Variants in PCDH9 observed in about 807,000 individuals in gnomAD.
PCDH9 encodes the protein protocadherin 9, also known as protocadherin-9.
A neutral mutation model predicts 70.6 loss-of-function variants in PCDH9; 24 were observed. The ratio of observed to expected loss-of-function variants is 0.34; its 90% CI spans 0.25 to 0.48. The LOEUF (loss-of-function observed/expected upper bound fraction) is 0.48. Among genes scored for constraint, PCDH9 ranks in the 20% least tolerant of loss-of-function variants. The pLI is 0.99. For synonymous variants in PCDH9, 562 were observed against 558.5 expected (o/e 1.01, Z -0.09); for missense variants, 1,281 against 1,503.6 (o/e 0.85, Z 2.45).
chr13:66,607,128 A>G (rs2077231172), intron 4 of PCDH9, among the ~76,000 whole-genome samples: 1 of 152,144 alleles, frequency 6.6e-6, no homozygotes, highest in Non-Finnish European at 1.5e-5. Flanking sequence ...TAAAAATAAA[A>G]CATTAGCTAA....
chr13:66,807,520 C>A (rs2080429869), intron 3 of PCDH9, among the ~76,000 whole-genome samples: 1 of 152,016 alleles, frequency 6.6e-6, no homozygotes, highest in African/African-American at 2.4e-5. Flanking sequence ...TGTATAAGTT[C>A]CTTAACTTCT....
At chr13:66,426,307 T>C (rs1957669555) in intron 4 of PCDH9, among the ~76,000 whole-genome samples, 2 of 151,652 alleles carry the variant, frequency 1.3e-5, no homozygotes, top group Admixed American at 1.3e-4. Flanking sequence ...CCCATAGTTC[T>C]AATTATCCTT....
chr13:66,347,576 C>T (rs1308952205), intron 4 of PCDH9, among the ~76,000 whole-genome samples: 2 of 152,250 alleles, frequency 1.3e-5, no homozygotes, highest in African/African-American at 2.4e-5. Context: ...CTTTCTTGTG[C>T]CTACTGAATG....
intron 4 of PCDH9, among the ~76,000 whole-genome samples, chr13:66,471,219 AAGG>A (rs1191905626): frequency 1.3e-5 from 2 of 152,044 alleles, no homozygotes; most frequent in Non-Finnish European, 2.9e-5. Flanking sequence ...GCCTTTTTTC[AAGG>A]AGGAGGGAGG....
intron 2 of PCDH9, among the ~76,000 whole-genome samples, chr13:67,139,758 C>G (rs1013628298): frequency 9.2e-5 from 14 of 152,118 alleles, no homozygotes; most frequent in African/African-American, 3.4e-4. Flanking sequence ...CTCTGCAGTA[C>G]CCAATCTGAC....
chr13:66,812,491 A>G (rs974469643), intron 3 of PCDH9, among the ~76,000 whole-genome samples: 39 of 152,312 alleles, frequency 2.6e-4, no homozygotes, highest in African/African-American at 8.4e-4. Flanking sequence ...TGATGATACT[A>G]AGGAAGAAAT....
At chr13:66,911,185 A>ACTCTAT (rs2082459351) in intron 2 of PCDH9, among the ~76,000 whole-genome samples, 1 of 152,202 alleles carries the variant, frequency 6.6e-6, no homozygotes, top group African/African-American at 2.4e-5. Flanking sequence ...CTTATTCAGC[A>ACTCTAT]GGTTCCTTCT....
intron 3 of PCDH9, among the ~76,000 whole-genome samples, chr13:66,717,118 C>T (rs1308011847): frequency 6.6e-6 from 1 of 151,834 alleles, no homozygotes; most frequent in Non-Finnish European, 1.5e-5. Flanking sequence ...TAGAGGACTT[C>T]AAGGTGTTTC....
chr13:66,682,297 AATAT>A (rs1466300327), intron 3 of PCDH9, among the ~76,000 whole-genome samples: 1 of 152,040 alleles, frequency 6.6e-6, no homozygotes, highest in Non-Finnish European at 1.5e-5. Flanking sequence ...CACTTCAGGC[AATAT>A]TACCTCCTTT....
Position 67,227,897 on chromosome 13 carries a change from A to T in PCDH9, c.544T>A (p.Leu182Ile). Reference sequence around the variant, plus strand: ...AGTCCAAAAACACTCTGCCCATTTAACAATTCATAATGCTGTACACCATTG... The same window carrying T: ...AGTCCAAAAACACTCTGCCCATTTATCAATTCATAATGCTGTACACCATTG... ...GFNGVQHYEL[L>I]NGQSVFGLDI... The change falls in exon 2 of 5, where the codon TTA becomes ATA. Residue 182 changes from leucine (L) to isoleucine (I), a missense_variant. Transcript: ENST00000377865. The surrounding 1 kb of genome is among the most constrained non-coding windows in gnomAD (Gnocchi z 4.6). 1 of 1,614,088 alleles carries T rather than the reference A, an allele frequency of 6.2e-7. No homozygotes were observed. The highest frequency in any genetic ancestry group is 8.5e-7 in the Non-Finnish European group (1 of 1,179,990).
chr13:66,535,029 T>C (rs532348638), intron 4 of PCDH9, among the ~76,000 whole-genome samples: 27 of 152,212 alleles, frequency 1.8e-4, no homozygotes, highest in African/African-American at 6.5e-4. Flanking sequence ...GAAGCATTAC[T>C]GAGTCCTTTG....
intron 3 of PCDH9, among the ~76,000 whole-genome samples, chr13:66,682,352 T>TTATC (rs67403062): frequency 1.5e-3 from 221 of 150,282 alleles, no homozygotes; most frequent in Admixed American, 1.9e-3. Context: ...GCTGTATTTA[T>TTATC]TATCTATCTA....
chr13:67,017,861 C>T lies in PCDH9; in HGVS notation c.3037-114256G>A, dbSNP rs537572118. Among the ~76,000 whole-genome samples, 4 of 152,118 alleles carry T rather than the reference C, an allele frequency of 2.6e-5. No individual in the cohort carries two copies. The East Asian group carries it at 5.8e-4, about 22-fold the overall frequency. On this transcript the variant is annotated intron_variant, in intron 2 of 4. Coordinates refer to ENST00000377865, the MANE Select transcript of PCDH9 (RefSeq NM_203487.3). ...TGTACACAGAGAAAAATTACACATC[C>T]AATAATCTCAGAGAAGTACTCCATA...
intron 2 of PCDH9, among the ~76,000 whole-genome samples, chr13:67,057,432 G>A (rs1198495971): frequency 2.0e-5 from 3 of 151,764 alleles, no homozygotes; most frequent in South Asian, 2.1e-4. Context: ...AACGCGCCTC[G>A]GATTTCCTAG....
At chr13:67,224,074 C>T (rs1355921947) in intron 2 of PCDH9, 2 of 152,106 alleles carry the variant, frequency 1.3e-5, no homozygotes, top group African/African-American at 4.8e-5. Context: ...ACTCTTGATT[C>T]TCCAAAGACT....
chr13:66,622,988 G>T (rs1454283447), intron 4 of PCDH9, among the ~76,000 whole-genome samples: 1 of 152,096 alleles, frequency 6.6e-6, no homozygotes, highest in African/African-American at 2.4e-5. Context: ...CCCCTTAAGA[G>T]CTGTAACACT....
intron 4 of PCDH9, among the ~76,000 whole-genome samples, chr13:66,516,095 T>A (rs541560372): frequency 5.9e-5 from 9 of 152,148 alleles, no homozygotes; most frequent in Admixed American, 1.3e-4. Flanking sequence ...CCCATCTAAC[T>A]TTTTTTGTTA....
At chr13:67,134,633 G>A (rs559773834) in intron 2 of PCDH9, among the ~76,000 whole-genome samples, 10 of 151,888 alleles carry the variant, frequency 6.6e-5, no homozygotes, top group East Asian at 1.9e-4. Context: ...AAGCACTTTC[G>A]TTTTCAGGAA....
intron 3 of PCDH9, among the ~76,000 whole-genome samples, chr13:66,818,733 C>A (rs2080653023): frequency 6.6e-6 from 1 of 151,872 alleles, no homozygotes; most frequent in African/African-American, 2.4e-5. Context: ...GAGATCGAGA[C>A]CATCCTGGCT....
Sources: gnomAD v4.1 joint callset for allele counts (sites outside exome capture counted in the v4.1 genomes callset) on GRCh38, gnomAD v4.1.1 for gene constraint, Gnocchi (gnomAD v3.1) non-coding constraint, MANE v1.5 for transcripts, NCBI Gene and HGNC (gene_info 2026-07-23, HGNC 2026-07-21) for gene names.